PRSS38: variants seen among roughly 807,000 people sequenced by gnomAD.
The protein encoded by PRSS38 is marapsin 2.
Under a neutral mutation model 26.8 loss-of-function variants are expected in PRSS38, and 22 were observed. The ratio of observed to expected loss-of-function variants is 0.82; its 90% confidence interval spans 0.59 to 1.17. PRSS38 has a LOEUF of 1.17. Ranked by LOEUF, PRSS38 falls within the 50% of genes most tolerant of loss-of-function variation. The probability of loss-of-function intolerance (pLI) is 0.00; values close to 1 mark genes in which losing one functional copy is unlikely to be tolerated. For missense variants in PRSS38, 427 were observed against 422.7 expected (o/e 1.01, Z -0.09); for synonymous variants, 175 against 172.1 (o/e 1.02, Z -0.13).
At chr1:227,832,702 A>G (rs1665173467) in intron 3 of PRSS38, among the ~76,000 whole-genome samples, 1 of 152,218 alleles carries the variant, frequency 6.6e-6, no homozygotes, top group Admixed American at 6.5e-5. Flanking sequence ...CACTTTGGAA[A>G]TGCAGAAGTA....
intron 3 of PRSS38, among the ~76,000 whole-genome samples, chr1:227,818,695 A>AAC (rs1664958791): frequency 1.3e-5 from 2 of 151,880 alleles, no homozygotes; most frequent in Non-Finnish European, 2.9e-5. Flanking sequence ...AAAAAAAAAA[A>AAC]AAAACGTATT....
chr1:227,834,530 G>A (rs575671974), intron 3 of PRSS38, among the ~76,000 whole-genome samples: 4 of 152,238 alleles, frequency 2.6e-5, no homozygotes, highest in South Asian at 2.1e-4. Context: ...TTAGCCGGGC[G>A]TGGTGGTGTG....
Position 227,816,756 on chromosome 1 carries a change from A to G in PRSS38, c.312-453A>G, listed in dbSNP as rs1664924731. Among the ~76,000 whole-genome samples the G allele has an allele frequency of 6.6e-6, 1 of 151,776 alleles. No homozygotes were observed. The highest frequency in any genetic ancestry group is 2.1e-4 in the South Asian group (1 of 4,806). On this transcript the variant is annotated intron_variant, in intron 2 of 4. Transcript: ENST00000366757. This position sits in a 1 kb window ranked among gnomAD's most constrained non-coding sequence, Gnocchi z 5.1. ...CAAGTGCACAGCCAGGTCCCACAAA[A>G]GTGAGGCTGCTCCTCAAGTGCACAG...
chr1:227,818,090 T>G (rs954167936), intron 3 of PRSS38, among the ~76,000 whole-genome samples: 10 of 151,926 alleles, frequency 6.6e-5, no homozygotes, highest in Non-Finnish European at 5.9e-5. Flanking sequence ...ATATTTTATC[T>G]TTTATTTATT....
intron 3 of PRSS38, among the ~76,000 whole-genome samples, chr1:227,819,088 G>A (rs1664965041): frequency 6.6e-6 from 1 of 152,084 alleles, no homozygotes; most frequent in Admixed American, 6.5e-5. Flanking sequence ...TTACTTTTCT[G>A]ACTTCTCTTA....
chr1:227,819,592 G>A (rs994218892), intron 3 of PRSS38, among the ~76,000 whole-genome samples: 2 of 152,044 alleles, frequency 1.3e-5, no homozygotes, highest in Non-Finnish European at 2.9e-5. Context: ...TATTAAACCT[G>A]CCTATCCATA....
intron 3 of PRSS38, among the ~76,000 whole-genome samples, chr1:227,844,603 C>T (rs1572092566): frequency 7.1e-6 from 1 of 141,020 alleles, no homozygotes; most frequent in Non-Finnish European, 1.5e-5. Flanking sequence ...GGGCTCTTCC[C>T]TATGTGTGGT....
intron 3 of PRSS38, among the ~76,000 whole-genome samples, chr1:227,821,346 T>C (rs930847640): frequency 2.6e-5 from 4 of 152,202 alleles, no homozygotes; most frequent in Admixed American, 2.6e-4. Flanking sequence ...AATAAATATA[T>C]GCATGCATGT....
intron 3 of PRSS38, among the ~76,000 whole-genome samples, chr1:227,832,292 G>A (rs545975991): frequency 2.0e-5 from 3 of 151,950 alleles, no homozygotes; most frequent in Non-Finnish European, 4.4e-5. Flanking sequence ...CCATCTTCAC[G>A]TTTAATGTAA....
intron 3 of PRSS38, among the ~76,000 whole-genome samples, chr1:227,836,854 A>G (rs1202469662): frequency 1.3e-5 from 2 of 152,190 alleles, no homozygotes; most frequent in Non-Finnish European, 2.9e-5. Context: ...ATGTTAACAT[A>G]TTCTTTTTTC....
At chr1:227,837,867 G>T (rs1000909959) in intron 3 of PRSS38, among the ~76,000 whole-genome samples, 1 of 152,120 alleles carries the variant, frequency 6.6e-6, no homozygotes, top group Non-Finnish European at 1.5e-5. Flanking sequence ...GTACTTCAAC[G>T]TGTATTGCAA....
chr1:227,817,308 G>A, exon 3 of PRSS38: 1 of 1,614,168 alleles, frequency 6.2e-7, no homozygotes. Flanking sequence ...GGGTGATCCT[G>A]CACCCCACAT....
chr1:227,836,054 A>G (rs1345234171), intron 3 of PRSS38, among the ~76,000 whole-genome samples: 2 of 152,054 alleles, frequency 1.3e-5, no homozygotes, highest in Admixed American at 6.6e-5. Flanking sequence ...CCTGGGCAAC[A>G]TAGCAAGACT....
chr1:227,833,957 G>A (rs1665200086), intron 3 of PRSS38, among the ~76,000 whole-genome samples: 1 of 152,206 alleles, frequency 6.6e-6, no homozygotes, highest in Admixed American at 6.5e-5. Flanking sequence ...ATTTGCAGAT[G>A]TAATCAAGTT....
intron 2 of PRSS38, 129 bp from the exon 3 acceptor site, chr1:227,817,080 G>A: frequency 3.1e-6 from 3 of 975,680 alleles, no homozygotes; most frequent in African/African-American, 3.2e-5. Flanking sequence ...TCCCTACTAT[G>A]CTGCAGGAAG....
At chr1:227,840,201 G>A (rs1293715357) in intron 3 of PRSS38, among the ~76,000 whole-genome samples, 1 of 152,180 alleles carries the variant, frequency 6.6e-6, no homozygotes, top group East Asian at 1.9e-4. Flanking sequence ...AGCTCACTGA[G>A]GCCTCAAACT....
At chr1:227,822,365 G>A (rs567258567) in intron 3 of PRSS38, among the ~76,000 whole-genome samples, 3 of 151,802 alleles carry the variant, frequency 2.0e-5, no homozygotes, top group Non-Finnish European at 4.4e-5. Context: ...TCTTAAGTGG[G>A]CCATAGTTTT....
chr1:227,818,661 G>A (rs1664956783), intron 3 of PRSS38, among the ~76,000 whole-genome samples: 1 of 122,988 alleles, frequency 8.1e-6, no homozygotes, highest in Non-Finnish European at 1.6e-5. Context: ...CTGGGCAACA[G>A]TGAGACCTTC....
chr1:227,832,470 A>G (rs1210668094), intron 3 of PRSS38, among the ~76,000 whole-genome samples: 1 of 152,184 alleles, frequency 6.6e-6, no homozygotes, highest in Non-Finnish European at 1.5e-5. Flanking sequence ...ATTTCAAAAG[A>G]TGTTTTCTAA....
Sources: gnomAD v4.1 joint callset for allele counts (sites outside exome capture counted in the v4.1 genomes callset) on GRCh38, gnomAD v4.1.1 for gene constraint, Gnocchi (gnomAD v3.1) non-coding constraint, MANE v1.5 for transcripts, NCBI Gene and HGNC (gene_info 2026-07-23, HGNC 2026-07-21) for gene names.